Variants in VRK2 observed in about 807,000 individuals in gnomAD.
VRK2 encodes the protein VRK serine/threonine kinase 2.
In VRK2, 60 loss-of-function variants were observed where a neutral mutation model predicts 57.6. The observed-to-expected ratio is 1.04, with a 90% confidence interval of 0.85 to 1.29. The LOEUF (loss-of-function observed/expected upper bound fraction) is 1.29, where lower values mean the gene tolerates loss of function less well. Ranked by LOEUF, VRK2 falls within the 50% of genes most tolerant of loss-of-function variation. The pLI, the probability that VRK2 is intolerant of heterozygous loss-of-function variation, is 0.00. For synonymous variants in VRK2, 231 were observed against 199.2 expected, an observed-to-expected ratio of 1.16 and a Z score of -1.35; for missense variants, 705 against 588.1, an observed-to-expected ratio of 1.20 and a Z score of -2.06.
intron 2 of VRK2, among the ~76,000 whole-genome samples, chr2:58,049,364 T>C (rs1007286063): frequency 1.3e-5 from 2 of 152,210 alleles, no homozygotes; most frequent in Admixed American, 1.3e-4. Flanking sequence ...TCTAGTCATT[T>C]CTTAATTGGG....
intron 1 of VRK2, among the ~76,000 whole-genome samples, chr2:57,967,280 G>A (rs767424816): frequency 2.4e-4 from 36 of 152,076 alleles, no homozygotes; most frequent in Non-Finnish European, 3.8e-4. Flanking sequence ...TGTAGATGAC[G>A]GGTTGATGGG....
intron 11 of VRK2, 60 bp from the exon 12 acceptor site, chr2:58,146,256 A>C: frequency 3.5e-6 from 5 of 1,429,012 alleles, no homozygotes; most frequent in Non-Finnish European, 4.7e-6. Flanking sequence ...ACATATATGC[A>C]TTTTTTAGAG....
chr2:58,064,701 G>C (rs1440454020), intron 2 of VRK2, among the ~76,000 whole-genome samples: 2 of 151,970 alleles, frequency 1.3e-5, no homozygotes, highest in Non-Finnish European at 2.9e-5. Flanking sequence ...TACTAAAAGA[G>C]TTTGAAGATA....
intron 7 of VRK2, among the ~76,000 whole-genome samples, chr2:58,097,865 A>T (rs1673381805): frequency 6.6e-6 from 1 of 152,050 alleles, no homozygotes; most frequent in African/African-American, 2.4e-5. Flanking sequence ...TTATACTATT[A>T]TTATTTTAGA....
intron 12 of VRK2, among the ~76,000 whole-genome samples, chr2:58,150,552 T>C (rs1350928093): frequency 7.3e-6 from 1 of 137,084 alleles, no homozygotes; most frequent in East Asian, 2.0e-4. Context: ...GCTTTGGTTT[T>C]TTTTTTTTAG....
At chr2:57,916,642 T>C (rs1017096456) in intron 1 of VRK2, among the ~76,000 whole-genome samples, 4 of 152,188 alleles carry the variant, frequency 2.6e-5, no homozygotes, top group South Asian at 2.1e-4. Flanking sequence ...TCACTAGCCC[T>C]ATCTGACAAA....
intron 2 of VRK2, among the ~76,000 whole-genome samples, chr2:58,075,475 A>G (rs577635374): frequency 2.0e-5 from 3 of 152,120 alleles, no homozygotes; most frequent in Non-Finnish European, 4.4e-5. Flanking sequence ...GTTTTCCACA[A>G]TGGCTGAACT....
intron 1 of VRK2, among the ~76,000 whole-genome samples, chr2:57,944,691 G>A (rs1455093636): frequency 2.4e-4 from 37 of 151,622 alleles, no homozygotes; most frequent in Admixed American, 2.4e-3. Flanking sequence ...AGCCGAGATC[G>A]TGCCACTGCA....
chr2:57,948,325 C>A (rs1671323159), intron 1 of VRK2, among the ~76,000 whole-genome samples: 1 of 152,086 alleles, frequency 6.6e-6, no homozygotes, highest in East Asian at 1.9e-4. Flanking sequence ...ATTTAGTTGA[C>A]CACATCAGTG....
At chr2:57,961,859 T>C (rs1671772070) in intron 1 of VRK2, among the ~76,000 whole-genome samples, 1 of 152,110 alleles carries the variant, frequency 6.6e-6, no homozygotes, top group South Asian at 2.1e-4. Context: ...GGAGGACTGC[T>C]TGAGCCCAGA....
chr2:57,917,291 T>TTA (rs1217030463), intron 1 of VRK2, among the ~76,000 whole-genome samples: 3 of 151,996 alleles, frequency 2.0e-5, no homozygotes, highest in Non-Finnish European at 4.4e-5. Context: ...CTTTACTCCC[T>TTA]TACCTCCAGT....
At chr2:58,111,585 C>T (rs558060227) in intron 7 of VRK2, among the ~76,000 whole-genome samples, 4 of 152,178 alleles carry the variant, frequency 2.6e-5, no homozygotes, top group South Asian at 4.2e-4. Flanking sequence ...GACCCCATCT[C>T]TATTTTAAAA....
intron 7 of VRK2, among the ~76,000 whole-genome samples, chr2:58,091,742 C>T (rs1489226146): frequency 2.0e-5 from 3 of 151,364 alleles, no homozygotes; most frequent in African/African-American, 4.9e-5. Context: ...AAGCGATGAT[C>T]GAAAAGAATG....
At chr2:57,953,326 T>A (rs1316217906) in intron 1 of VRK2, among the ~76,000 whole-genome samples, 4 of 152,202 alleles carry the variant, frequency 2.6e-5, no homozygotes, top group African/African-American at 7.2e-5. Context: ...GCATTTGTCA[T>A]AACATATCTT....
chr2:58,049,288 C>T (rs1675354967), intron 2 of VRK2, among the ~76,000 whole-genome samples: 1 of 151,954 alleles, frequency 6.6e-6, no homozygotes, highest in Non-Finnish European at 1.5e-5. Context: ...GATGAGAAAC[C>T]ACAACTGTAT....
chr2:58,054,530 G>A (rs756420703), intron 2 of VRK2, among the ~76,000 whole-genome samples: 5 of 151,906 alleles, frequency 3.3e-5, no homozygotes, highest in East Asian at 1.9e-4. Flanking sequence ...ATAGACTTCT[G>A]CTTCTGAAGT....
intron 4 of VRK2, among the ~76,000 whole-genome samples, chr2:58,085,824 C>T (rs1671536036): frequency 6.6e-6 from 1 of 151,206 alleles, no homozygotes; most frequent in African/African-American, 2.4e-5. Flanking sequence ...TGAAAGTTAA[C>T]TTTATTTAAG....
At chr2:58,103,611 T>TA (rs1274517601) in intron 7 of VRK2, among the ~76,000 whole-genome samples, 3 of 151,424 alleles carry the variant, frequency 2.0e-5, no homozygotes, top group Non-Finnish European at 4.4e-5. Context: ...AGAAAAATCT[T>TA]AACAAACAAA....
chr2:57,934,671 T>C (rs1670846675), intron 1 of VRK2, among the ~76,000 whole-genome samples: 1 of 152,206 alleles, frequency 6.6e-6, no homozygotes, highest in East Asian at 1.9e-4. Flanking sequence ...TGCTTCTTTC[T>C]TTCTCTTTTC....
Sources: allele counts gnomAD v4.1 joint callset (sites outside exome capture counted in the v4.1 genomes callset), GRCh38; gene constraint gnomAD v4.1.1; transcripts MANE v1.5; gene names NCBI Gene and HGNC (gene_info 2026-07-23, HGNC 2026-07-21).